Variants in UCMA observed in about 807,000 individuals in gnomAD.
The protein encoded by UCMA is upper zone of growth plate and cartilage matrix associated.
UCMA carries 21 observed loss-of-function variants against 21.8 expected under a neutral mutation model. That is an observed-to-expected ratio of 0.97 (90% CI 0.68 to 1.39). UCMA has a LOEUF of 1.39. UCMA is among the 40% of genes most tolerant of loss of function. UCMA has a pLI of 0.00. For synonymous variants in UCMA, 76 were observed against 67.9 expected (o/e 1.12, Z -0.58); for missense variants, 193 against 178.9 (o/e 1.08, Z -0.45).
At chr10:13,224,465 TTG>T (rs1228306314) in intron 4 of UCMA, among the ~76,000 whole-genome samples, 1 of 152,132 alleles carries the variant, frequency 6.6e-6, no homozygotes, top group Admixed American at 6.5e-5. Context: ...AAGTTTTATG[TTG>T]TGTGTGTTTT....
In UCMA at chr10:13,233,817, C is replaced by G; in HGVS notation, c.59-17G>C. ...CTCTCAGCACTGCAGGACAAGGGCACAGAGTGAGGCTGCAGCATCAGAGGG... is the reference window on the plus strand; with the variant it reads ...CTCTCAGCACTGCAGGACAAGGGCAGAGAGTGAGGCTGCAGCATCAGAGGG... On this transcript the variant is annotated splice_polypyrimidine_tract_variant and intron_variant, in intron 1 of 4. Transcript: ENST00000378681. 6.2e-7 allele frequency: 1 copy of G among 1,613,472 alleles called. No homozygotes were observed. Among genetic ancestry groups the G allele is most frequent in the Non-Finnish European group, 8.5e-7 (1 of 1,179,876 alleles).
intron 3 of UCMA, 58 bp from the exon 4 acceptor site, chr10:13,229,767 A>C (rs550765394): frequency 3.1e-4 from 450 of 1,432,436 alleles, no homozygotes; most frequent in Admixed American, 4.6e-4. Context: ...TTAGGGGCAC[A>C]CACTTAGGGG....
chr10:13,226,365 C>T (rs1834823887), intron 4 of UCMA, among the ~76,000 whole-genome samples: 1 of 151,928 alleles, frequency 6.6e-6, no homozygotes, highest in Admixed American at 6.6e-5. Flanking sequence ...TTAATTTTCT[C>T]ATTTTCTATG....
At chr10:13,224,340 G>T (rs1250298865) in intron 4 of UCMA, among the ~76,000 whole-genome samples, 1 of 139,442 alleles carries the variant, frequency 7.2e-6, no homozygotes, top group Non-Finnish European at 1.6e-5. Context: ...AGAAAGAAAG[G>T]AAGCGGTGGG....
Position 13,234,215 on chromosome 10 carries a change from A to G in UCMA, c.44T>C (p.Val15Ala). The part of the protein sequence containing the change: ...QAVLLSCFSA[V>A]VLLSMLREGT... ...CCTGTACTCACTAGACAGGAGCACC[A>G]CGGCGGAGAAGCAAGACAGCAGGAC... is the stretch of plus-strand genomic sequence containing the variant. Residue 15 changes from valine to alanine, a missense_variant, in exon 1 of 5, where the codon GTG (valine) becomes GCG (alanine). Val to Ala is a moderately conservative substitution (Grantham distance 64). Transcript: ENST00000378681. 25 of 1,613,638 alleles carry G rather than the reference A, an allele frequency of 1.5e-5. No homozygotes were observed. Among genetic ancestry groups the G allele is most frequent in the Non-Finnish European group, 2.1e-5 (25 of 1,179,890 alleles).
chr10:13,222,290 TGGTGAC>T, intron 4 of UCMA, 90 bp from the exon 5 acceptor site: 2 of 1,176,790 alleles, frequency 1.7e-6, no homozygotes, highest in Admixed American at 4.0e-5. Flanking sequence ...CCCTGCCCTG[TGGTGAC>T]CTGCACTGAG....
At position 13,229,613 on chromosome 10, in the gene UCMA, T is replaced by A. The variant is rs777418655; in HGVS notation, c.317A>T (p.Asp106Val). Residue 106 changes from aspartate to valine, a missense_variant and splice_region_variant, in exon 4 of 5, where the codon GAT becomes GTT. Physicochemically the swap from Asp to Val is radical, Grantham distance 152 (BLOSUM62 -3). Transcript: ENST00000378681. ...EFENFVEEQNDEQEERSREAV... is the reference protein window; with the variant it reads ...EFENFVEEQNVEQEERSREAV... ...GACACTGGCTGAAGAGCTCTTACCATCGTTTTGTTCCTCCACGAAGTTCTC... is the reference window on the plus strand; with the variant it reads ...GACACTGGCTGAAGAGCTCTTACCAACGTTTTGTTCCTCCACGAAGTTCTC... 6.2e-7 allele frequency: 1 copy of A among 1,613,678 alleles called. No individual in the cohort carries two copies. Among genetic ancestry groups the A allele is most frequent in the Admixed American group, 1.7e-5 (1 of 59,980 alleles).
intron 4 of UCMA, among the ~76,000 whole-genome samples, chr10:13,226,909 G>A (rs1278258249): frequency 6.6e-6 from 1 of 152,142 alleles, no homozygotes; most frequent in East Asian, 1.9e-4. Flanking sequence ...ACATGCTAGA[G>A]CTTTGGGCCT....
At chr10:13,232,406 G>A (rs551623004) in intron 3 of UCMA, among the ~76,000 whole-genome samples, 10 of 144,318 alleles carry the variant, frequency 6.9e-5, no homozygotes, top group African/African-American at 2.3e-4. Flanking sequence ...GAGGACAGAA[G>A]CTATTTGCCT....
rs1834761447 is a variant in UCMA, at chr10:13,221,899, C to G, written c.*204G>C. 1 of 595,864 alleles carries G rather than the reference C, an allele frequency of 1.7e-6. No homozygotes were observed. Among genetic ancestry groups the G allele is most frequent in the Non-Finnish European group, 3.0e-6 (1 of 335,704 alleles). The allele number at this position is 595,864 out of a possible 1,614,324, so 36.9% of individuals were successfully genotyped here. ...AGGCCCTGCAGGCAGTTGCTCACCT[C>G]AGAAGATGGTCTGCAAAGAGGTGAA... On this transcript the variant is annotated 3_prime_UTR_variant, in exon 5 of 5. Transcript: ENST00000378681.
At chr10:13,233,666 G>A (rs1195500522) in intron 2 of UCMA, 33 bp from the exon 3 acceptor site, 1 of 1,613,664 alleles carries the variant, frequency 6.2e-7, no homozygotes, top group South Asian at 1.1e-5. Flanking sequence ...CACCAGCAGT[G>A]TGGGGGTGCT....
intron 4 of UCMA, among the ~76,000 whole-genome samples, chr10:13,223,875 CA>C (rs112197018): frequency 0.071 from 10,298 of 144,190 alleles, 496 homozygotes; most frequent in African/African-American, 0.14. Context: ...TTTACAGAGA[CA>C]AAAAAAAAAA....
chr10:13,222,165 A>T lies in UCMA; in HGVS notation c.355T>A (p.Trp119Arg), dbSNP rs1201252538. The change falls in exon 5 of 5, where the codon TGG becomes AGG. Residue 119 changes from tryptophan to arginine, a missense_variant. Physicochemically the swap from Trp to Arg is moderately radical, Grantham distance 101. Coordinates refer to ENST00000378681, the MANE Select transcript of UCMA (RefSeq NM_145314.3). The stretch of plus-strand genomic sequence containing the variant: ...AGGCCGTCATAGTGCCACTGGCGCC[A>T]CTGCTCCACAGCCTCCCGGCTCCTC... Reference protein sequence around the residue: ...EERSREAVEQWRQWHYDGLHP... With the variant: ...EERSREAVEQRRQWHYDGLHP... The T allele has an allele frequency of 1.2e-6, 2 of 1,614,096 alleles. No homozygotes were observed. The highest frequency in any genetic ancestry group is 2.2e-5 in the South Asian group (2 of 91,064).
At chr10:13,230,382 A>G (rs933300230) in intron 3 of UCMA, among the ~76,000 whole-genome samples, 7 of 152,188 alleles carry the variant, frequency 4.6e-5, no homozygotes, top group African/African-American at 1.2e-4. Flanking sequence ...ACATAAGACA[A>G]GTTTTACCAA....
At chr10:13,226,521 C>T (rs1237810179) in intron 4 of UCMA, among the ~76,000 whole-genome samples, 5 of 152,132 alleles carry the variant, frequency 3.3e-5, no homozygotes, top group East Asian at 3.9e-4. Context: ...GACAGGGCCT[C>T]GCTTAGTTGC....
At chr10:13,234,013 G>GT (rs145048266) in intron 1 of UCMA, among the ~76,000 whole-genome samples, 188 bp downstream of exon 1, 10,924 of 151,642 alleles carry the variant, frequency 0.072, 518 homozygotes, top group Non-Finnish European at 0.11. Flanking sequence ...TTTCTTTACT[G>GT]TTTTTTATTA....
chr10:13,229,321 G>T (rs539203893), intron 4 of UCMA, among the ~76,000 whole-genome samples: 4 of 151,870 alleles, frequency 2.6e-5, no homozygotes, highest in Admixed American at 2.0e-4. Context: ...TTCAGTACCA[G>T]CCTGGCCGAC....
At chr10:13,233,698 G>C in intron 2 of UCMA, 37 bp downstream of exon 2, 1 of 1,613,956 alleles carries the variant, frequency 6.2e-7, no homozygotes, top group Middle Eastern at 1.6e-4. Context: ...TTCGCTGGCT[G>C]CACCTGCCCT....
At chr10:13,224,161 C>G (rs375185188) in intron 4 of UCMA, among the ~76,000 whole-genome samples, 1 of 151,938 alleles carries the variant, frequency 6.6e-6, no homozygotes. Flanking sequence ...ATCGTCTCTA[C>G]AAAAAATAAA....
Sources: gnomAD v4.1 joint callset for allele counts (sites outside exome capture counted in the v4.1 genomes callset) on GRCh38, gnomAD v4.1.1 for gene constraint, MANE v1.5 for transcripts, NCBI Gene and HGNC (gene_info 2026-07-23, HGNC 2026-07-21) for gene names.